CALCR: variants seen among roughly 807,000 people sequenced by gnomAD.
The protein encoded by CALCR is calcitonin receptor.
CALCR carries 47 observed loss-of-function variants against 59.5 expected under a neutral mutation model. That is an observed-to-expected ratio of 0.79 (90% CI 0.63 to 1.01). The LOEUF (loss-of-function observed/expected upper bound fraction) is 1.01. Ranked by LOEUF, CALCR falls within the 50% of genes least tolerant of loss-of-function variation. CALCR has a pLI of 0.00. For synonymous variants in CALCR, 213 were observed against 211.3 expected (o/e 1.01, Z -0.07); for missense variants, 566 against 597.1 (o/e 0.95, Z 0.54).
At chr7:93,432,027 T>A (rs1267149880) in intron 13 of CALCR, among the ~76,000 whole-genome samples, 1 of 152,230 alleles carries the variant, frequency 6.6e-6, no homozygotes, top group East Asian at 1.9e-4. Flanking sequence ...ATAAGCATGC[T>A]CTCATGGTCC....
intron 6 of CALCR, among the ~76,000 whole-genome samples, chr7:93,469,523 T>G (rs1051151790): frequency 4.6e-5 from 7 of 151,714 alleles, no homozygotes; most frequent in Non-Finnish European, 7.4e-5. Flanking sequence ...TCCCTCTCTC[T>G]GTCTTCTCTG....
chr7:93,502,073 T>C (rs1012064079), intron 2 of CALCR, among the ~76,000 whole-genome samples: 5 of 152,136 alleles, frequency 3.3e-5, no homozygotes, highest in Non-Finnish European at 7.3e-5. Flanking sequence ...CAAGAATATA[T>C]GGTAGTCTTT....
Position 93,460,836 on chromosome 7 carries a change from G to C in CALCR, c.633C>G (p.Leu211=). 1.2e-6 allele frequency: 2 copies of C among 1,607,044 alleles called. No homozygotes were observed. Among genetic ancestry groups the C allele is most frequent in the Non-Finnish European group, 1.7e-6 (2 of 1,177,138 alleles). Residue 211 remains leucine, a synonymous_variant, in exon 8 of 14, where the codon CTC becomes CTG. Transcript: ENST00000426151. Reference sequence around the variant, plus strand: ...CAGTACTTACCGGGTCCCTTCGCACGAGCTCTCCATTGGGTACTACTTCAA... The same window carrying C: ...CAGTACTTACCGGGTCCCTTCGCACCAGCTCTCCATTGGGTACTACTTCAA... The part of the protein sequence containing the change: ...HLVEVVPNGE[L]VRRDPVSCKI...
intron 2 of CALCR, among the ~76,000 whole-genome samples, chr7:93,545,449 T>C (rs1253554179): frequency 6.6e-6 from 1 of 152,248 alleles, no homozygotes; most frequent in East Asian, 1.9e-4. Context: ...TAACGTGGTA[T>C]GTCCTCATAT....
intron 8 of CALCR, among the ~76,000 whole-genome samples, chr7:93,451,919 A>G (rs1472049593): frequency 1.3e-5 from 2 of 152,060 alleles, no homozygotes; most frequent in Admixed American, 6.6e-5. Context: ...GAATGCAAGA[A>G]CAGGAAAACA....
intron 2 of CALCR, among the ~76,000 whole-genome samples, chr7:93,517,639 A>C (rs553953842): frequency 7.0e-4 from 106 of 152,084 alleles, no homozygotes; most frequent in Middle Eastern, 3.4e-3. Flanking sequence ...TGAAGCTATC[A>C]AAACTTTAAG....
At chr7:93,471,734 T>G (rs1800557528) in intron 6 of CALCR, among the ~76,000 whole-genome samples, 1 of 151,772 alleles carries the variant, frequency 6.6e-6, no homozygotes, top group Non-Finnish European at 1.5e-5. Flanking sequence ...AGATTTTTGA[T>G]ACATTTGAGG....
chr7:93,486,064 G>A (rs545491171), intron 3 of CALCR, among the ~76,000 whole-genome samples: 24 of 151,606 alleles, frequency 1.6e-4, no homozygotes, highest in African/African-American at 5.1e-4. Flanking sequence ...GGAAATCCTC[G>A]AACCCTATGC....
intron 7 of CALCR, among the ~76,000 whole-genome samples, chr7:93,467,464 G>A (rs887584500): frequency 2.6e-5 from 4 of 151,568 alleles, no homozygotes; most frequent in African/African-American, 7.3e-5. Context: ...TTGTACTAAG[G>A]ATGTATTTAC....
At chr7:93,429,913 G>A (rs972548151) in intron 13 of CALCR, among the ~76,000 whole-genome samples, 14 of 117,260 alleles carry the variant, frequency 1.2e-4, no homozygotes, top group Admixed American at 3.8e-4. Flanking sequence ...CACTTTAGAC[G>A]GTTTTTTTTT....
chr7:93,512,262 A>G (rs1223080040), intron 2 of CALCR, among the ~76,000 whole-genome samples: 2 of 152,166 alleles, frequency 1.3e-5, no homozygotes, highest in African/African-American at 2.4e-5. Flanking sequence ...TTTACTTTAC[A>G]TAACAGCCCT....
intron 8 of CALCR, among the ~76,000 whole-genome samples, chr7:93,460,572 A>ATATATATGT (rs1554397786): frequency 1.5e-5 from 1 of 66,542 alleles, no homozygotes; most frequent in Non-Finnish European, 2.5e-5. Context: ...AAAAAAAAAA[A>ATATATATGT]ATATATATAT....
intron 2 of CALCR, among the ~76,000 whole-genome samples, chr7:93,558,577 CT>C (rs1789664608): frequency 6.6e-6 from 1 of 151,958 alleles, no homozygotes; most frequent in African/African-American, 2.4e-5. Context: ...TCTTGATAGT[CT>C]TTTAAATAAA....
At chr7:93,506,922 G>A (rs143648280) in intron 2 of CALCR, among the ~76,000 whole-genome samples, 5 of 152,230 alleles carry the variant, frequency 3.3e-5, no homozygotes, top group African/African-American at 1.2e-4. Context: ...AGTCTCATGA[G>A]ATCTGATTGT....
chr7:93,571,279 C>T lies in CALCR; in HGVS notation c.-27+3010G>A, dbSNP rs1217891251. On this transcript the variant is annotated intron_variant, in intron 2 of 13. Coordinates refer to ENST00000426151, the MANE Select transcript of CALCR (RefSeq NM_001742.4). ...TTGGGATGATTACTTATGTTCTTGT[C>T]ATTCTCTACTAGACACGACATCCTT... Among the ~76,000 whole-genome samples the T allele has an allele frequency of 5.3e-5, 8 of 152,026 alleles. No individual in the cohort carries two copies. In the East Asian group the frequency reaches 1.5e-3, roughly 29 times the overall value.
intron 5 of CALCR, 114 bp downstream of exon 5, chr7:93,477,444 C>T (rs1266818346): frequency 1.1e-5 from 7 of 625,350 alleles, no homozygotes; most frequent in African/African-American, 1.8e-5. Context: ...TCAGAAGTTG[C>T]TAAAATGTGG....
chr7:93,443,148 T>C (rs1799944620), intron 9 of CALCR, among the ~76,000 whole-genome samples: 1 of 152,148 alleles, frequency 6.6e-6, no homozygotes. Context: ...TCCTGAGCTT[T>C]CACTGGAGGA....
chr7:93,538,667 C>T (rs1044840442), intron 2 of CALCR, among the ~76,000 whole-genome samples: 2 of 151,992 alleles, frequency 1.3e-5, no homozygotes, highest in African/African-American at 4.8e-5. Flanking sequence ...CCCTTTTGTG[C>T]ATCTGATGAA....
intron 13 of CALCR, among the ~76,000 whole-genome samples, chr7:93,432,137 T>C (rs1285266804): frequency 1.3e-5 from 2 of 152,228 alleles, no homozygotes; most frequent in African/African-American, 4.8e-5. Context: ...ATCATTTCAC[T>C]GATAACATAC....
Sources: allele counts gnomAD v4.1 joint callset (sites outside exome capture counted in the v4.1 genomes callset), GRCh38; gene constraint gnomAD v4.1.1; transcripts MANE v1.5; gene names NCBI Gene and HGNC (gene_info 2026-07-23, HGNC 2026-07-21).